PTPRG: variants seen among roughly 807,000 people sequenced by gnomAD.
PTPRG encodes the protein receptor-type tyrosine-protein phosphatase gamma.
PTPRG carries 102 observed loss-of-function variants against 165.3 expected under a neutral mutation model. The ratio of observed to expected loss-of-function variants is 0.62; its 90% confidence interval spans 0.53 to 0.73. The LOEUF (loss-of-function observed/expected upper bound fraction) is 0.73. PTPRG is among the 30% of genes least tolerant of loss of function. PTPRG has a pLI of 0.00. For missense variants in PTPRG, 1,866 were observed against 1,861.4 expected (o/e 1.00, Z -0.05); for synonymous variants, 675 against 669.5 (o/e 1.01, Z -0.13).
At chr3:61,600,192 ATGTGTG>A (rs1258297289) in intron 1 of PTPRG, among the ~76,000 whole-genome samples, 8 of 106,638 alleles carry the variant, frequency 7.5e-5, no homozygotes, top group African/African-American at 2.0e-4. Context: ...ATATATATAT[ATGTGTG>A]TGTGTGTGTG....
At chr3:62,232,567 C>T (rs1328141516) in intron 14 of PTPRG, among the ~76,000 whole-genome samples, 2 of 152,240 alleles carry the variant, frequency 1.3e-5, no homozygotes, top group African/African-American at 4.8e-5. Flanking sequence ...AAAAACCCAG[C>T]ATCACCTTAT....
chr3:62,197,907 T>A (rs1243868993), intron 10 of PTPRG, among the ~76,000 whole-genome samples: 2 of 152,186 alleles, frequency 1.3e-5, no homozygotes, highest in African/African-American at 2.4e-5. Context: ...TCCTCAGAGG[T>A]GGACGTGAGT....
At chr3:61,851,064 C>T (rs1340044571) in intron 2 of PTPRG, among the ~76,000 whole-genome samples, 1 of 152,126 alleles carries the variant, frequency 6.6e-6, no homozygotes, top group Non-Finnish European at 1.5e-5. Flanking sequence ...GCAGAATGCC[C>T]TTGGCAGATG....
At chr3:62,090,185 A>T (rs1701881529) in intron 5 of PTPRG, among the ~76,000 whole-genome samples, 1 of 152,154 alleles carries the variant, frequency 6.6e-6, no homozygotes, top group Non-Finnish European at 1.5e-5. Flanking sequence ...ACTTCCAGGG[A>T]CTTCTCCATC....
chr3:61,996,233 G>A (rs757976594), intron 3 of PTPRG, among the ~76,000 whole-genome samples: 2 of 152,136 alleles, frequency 1.3e-5, no homozygotes, highest in East Asian at 1.9e-4. Context: ...GGGAGGGCCT[G>A]GAAAAGTGAA....
chr3:61,931,608 C>T (rs1398701513), intron 2 of PTPRG, among the ~76,000 whole-genome samples: 1 of 152,168 alleles, frequency 6.6e-6, no homozygotes, highest in Non-Finnish European at 1.5e-5. Flanking sequence ...GAGCTGCCTT[C>T]CCACCCTCTT....
chr3:62,161,359 A>T (rs1704754189), intron 7 of PTPRG, among the ~76,000 whole-genome samples: 1 of 152,222 alleles, frequency 6.6e-6, no homozygotes, highest in Non-Finnish European at 1.5e-5. Context: ...AAGAGAAACA[A>T]GTGAGATTAA....
chr3:61,919,533 G>C (rs950503615), intron 2 of PTPRG, among the ~76,000 whole-genome samples: 1 of 152,172 alleles, frequency 6.6e-6, no homozygotes, highest in Non-Finnish European at 1.5e-5. Context: ...ATGAATTGGA[G>C]GAGGGTTTTG....
At chr3:61,849,305 T>C (rs911414080) in intron 2 of PTPRG, among the ~76,000 whole-genome samples, 1 of 152,186 alleles carries the variant, frequency 6.6e-6, no homozygotes, top group African/African-American at 2.4e-5. Context: ...GGATGGTTTG[T>C]TTTTTGCATT....
At chr3:61,564,998 G>T (rs1378476028) in intron 1 of PTPRG, among the ~76,000 whole-genome samples, 1 of 152,234 alleles carries the variant, frequency 6.6e-6, no homozygotes, top group Non-Finnish European at 1.5e-5. Context: ...AAATGCTTCT[G>T]TTTTGGAGTA....
chr3:62,284,539 T>C (rs1702566256), intron 28 of PTPRG, among the ~76,000 whole-genome samples: 2 of 152,134 alleles, frequency 1.3e-5, no homozygotes, highest in South Asian at 2.1e-4. Flanking sequence ...ATTGAAATTA[T>C]TGAAGAGAAA....
At position 61,856,658 on chromosome 3, in the gene PTPRG, T is replaced by C. The variant is rs2037114796; in HGVS notation, c.190+107676T>C. On this transcript the variant is annotated intron_variant, in intron 2 of 29. Transcript: ENST00000474889. ...ACATCCCTCTGCAACTAGCTTTTTC[T>C]GAACAGGTTTTGTTAACATGTCTCC... Among the ~76,000 whole-genome samples, 3 of 152,244 alleles carry C rather than the reference T, an allele frequency of 2.0e-5. No individual in the cohort carries two copies. The South Asian group carries it at 6.2e-4, about 31-fold the overall frequency.
At chr3:61,593,551 C>G (rs1003760686) in intron 1 of PTPRG, among the ~76,000 whole-genome samples, 1 of 151,948 alleles carries the variant, frequency 6.6e-6, no homozygotes, top group Non-Finnish European at 1.5e-5. Context: ...CTTAGCTAAA[C>G]AAAATGAACT....
At chr3:61,944,989 C>T (rs542499453) in intron 2 of PTPRG, among the ~76,000 whole-genome samples, 71 of 152,124 alleles carry the variant, frequency 4.7e-4, no homozygotes, top group Non-Finnish European at 9.1e-4. Context: ...GAACGGAATT[C>T]TATGCAAGTT....
intron 28 of PTPRG, among the ~76,000 whole-genome samples, chr3:62,289,257 T>A (rs1165632991): frequency 2.0e-5 from 3 of 152,210 alleles, no homozygotes; most frequent in Non-Finnish European, 4.4e-5. Context: ...ACTAAGTCAG[T>A]ACATGTAAAT....
chr3:61,594,097 A>G (rs539367780), intron 1 of PTPRG, among the ~76,000 whole-genome samples: 22 of 152,312 alleles, frequency 1.4e-4, no homozygotes, highest in African/African-American at 4.8e-4. Flanking sequence ...TCTAAACTGT[A>G]TACTAGGCAT....
intron 2 of PTPRG, among the ~76,000 whole-genome samples, chr3:61,949,401 A>G (rs2039842057): frequency 6.6e-6 from 1 of 152,218 alleles, no homozygotes; most frequent in South Asian, 2.1e-4. Context: ...TAAGGAAAGA[A>G]GCAACAAAAA....
intron 2 of PTPRG, among the ~76,000 whole-genome samples, chr3:61,813,222 A>G (rs908511125): frequency 6.6e-6 from 1 of 151,722 alleles, no homozygotes. Flanking sequence ...ATGGCTGGGC[A>G]CAGTGGCTCA....
rs540276330 is a variant in PTPRG at position 61,784,037 on chromosome 3, C to T, written c.190+35055C>T. The stretch of plus-strand genomic sequence containing the variant: ...GAAGGAAAATTATAGAGCAATATCC[C>T]CTGAGAAACACCAATATTAAAGAAG... On this transcript the variant is annotated intron_variant, in intron 2 of 29. Transcript: ENST00000474889. Among the ~76,000 whole-genome samples the T allele has an allele frequency of 3.3e-5, 5 of 152,140 alleles. No individual in the cohort carries two copies. The East Asian group carries it at 9.7e-4, about 29-fold the overall frequency.
Sources: gnomAD v4.1 joint callset for allele counts (sites outside exome capture counted in the v4.1 genomes callset) on GRCh38, gnomAD v4.1.1 for gene constraint, MANE v1.5 for transcripts, NCBI Gene and HGNC (gene_info 2026-07-23, HGNC 2026-07-21) for gene names.